RBFOX1: variants seen among roughly 807,000 people sequenced by gnomAD.
RBFOX1 encodes the protein RNA binding fox-1 homolog 1, also known as RNA binding protein fox-1 homolog 1.
A neutral mutation model predicts 57.7 loss-of-function variants in RBFOX1; 8 were observed. The observed-to-expected ratio is 0.14, with a 90% CI of 0.08 to 0.25. RBFOX1 has a LOEUF of 0.25. RBFOX1 is among the 10% of genes least tolerant of loss of function. The pLI, the probability that RBFOX1 is intolerant of heterozygous loss-of-function variation, is 1.00. For missense variants in RBFOX1, 611 were observed against 548.5 expected, an observed-to-expected ratio of 1.11 and a Z score of -1.14; for synonymous variants, 326 against 222.4, an observed-to-expected ratio of 1.47 and a Z score of -4.15.
At chr16:6,015,833 G>A (rs1293550285), upstream of RBFOX1, among the ~76,000 whole-genome samples, 6 of 152,190 alleles carry the variant, frequency 3.9e-5, no homozygotes, top group Admixed American at 3.3e-4. Context: ...AATGTTTCAA[G>A]ACAGTTGCAA....
intron 2 of RBFOX1, among the ~76,000 whole-genome samples, chr16:6,541,170 CTCTT>C (rs1398419620): frequency 1.3e-5 from 2 of 152,190 alleles, no homozygotes; most frequent in Admixed American, 1.3e-4. Context: ...CAGATGAGAA[CTCTT>C]TCATTCTATG....
At chr16:6,745,054 A>T (rs924391652) in intron 3 of RBFOX1, among the ~76,000 whole-genome samples, 1 of 152,090 alleles carries the variant, frequency 6.6e-6, no homozygotes. Flanking sequence ...ATTATGAACA[A>T]CCTTATTTTA....
intron 4 of RBFOX1, among the ~76,000 whole-genome samples, chr16:5,932,497 C>T (rs1350585951): frequency 6.6e-6 from 1 of 152,192 alleles, no homozygotes; most frequent in Non-Finnish European, 1.5e-5. Context: ...GAGACCCCAG[C>T]CATGCCATGC....
intron 10 of RBFOX1, among the ~76,000 whole-genome samples, chr16:7,627,187 C>CAA (rs139069709): frequency 0.032 from 2,662 of 82,632 alleles, 37 homozygotes; most frequent in South Asian, 0.12. Context: ...TTCTATTTGA[C>CAA]AAAAAAAAAA....
chr16:5,622,068 T>C (rs2048216141), intron 3 of RBFOX1, among the ~76,000 whole-genome samples: 1 of 152,160 alleles, frequency 6.6e-6, no homozygotes, highest in African/African-American at 2.4e-5. Context: ...AGAAGCATTG[T>C]TCTCTTATTC....
intron 3 of RBFOX1, among the ~76,000 whole-genome samples, chr16:6,898,298 C>G (rs759108149): frequency 2.6e-5 from 4 of 152,080 alleles, no homozygotes; most frequent in Non-Finnish European, 5.9e-5. Flanking sequence ...CCTGCCCCTC[C>G]ACGACCTCTC....
chr16:5,822,420 T>C (rs368509651), intron 3 of RBFOX1, among the ~76,000 whole-genome samples: 3 of 152,272 alleles, frequency 2.0e-5, no homozygotes, highest in South Asian at 2.1e-4. Flanking sequence ...TGTACCCCAA[T>C]AGCTTATGGA....
chr16:7,260,188 A>G (rs752096560), intron 4 of RBFOX1, among the ~76,000 whole-genome samples: 1 of 152,236 alleles, frequency 6.6e-6, no homozygotes, highest in Non-Finnish European at 1.5e-5. Flanking sequence ...TCATATCATT[A>G]TGGAATCACA....
chr16:5,632,477 G>C (rs1197129325), intron 3 of RBFOX1: 1 of 152,204 alleles, frequency 6.6e-6, no homozygotes, highest in Non-Finnish European at 1.5e-5. Flanking sequence ...CAGTACATGA[G>C]AGCCATCATT....
intron 2 of RBFOX1, among the ~76,000 whole-genome samples, chr16:6,646,643 T>C (rs1243161312): frequency 2.6e-5 from 4 of 152,092 alleles, no homozygotes; most frequent in African/African-American, 7.2e-5. Flanking sequence ...AAATGCTTAT[T>C]TCACCTGGTC....
At chr16:5,280,753 T>C (rs2063251393) in intron 1 of RBFOX1, among the ~76,000 whole-genome samples, 1 of 152,130 alleles carries the variant, frequency 6.6e-6, no homozygotes, top group African/African-American at 2.4e-5. Flanking sequence ...ATGATCCTTT[T>C]TATTTCTTTG....
intron 3 of RBFOX1, among the ~76,000 whole-genome samples, chr16:7,050,541 C>T (rs1352440842): frequency 1.3e-5 from 2 of 152,140 alleles, no homozygotes; most frequent in Non-Finnish European, 2.9e-5. Flanking sequence ...GCTGGGATTA[C>T]AGGCATGAGC....
chr16:5,696,510 A>G (rs1392428644), intron 3 of RBFOX1, among the ~76,000 whole-genome samples: 1 of 152,240 alleles, frequency 6.6e-6, no homozygotes, highest in Non-Finnish European at 1.5e-5. Flanking sequence ...ATATGTAGGA[A>G]TAAAATTATG....
At chr16:5,625,547 C>T (rs7194379) in intron 3 of RBFOX1, among the ~76,000 whole-genome samples, 119,784 of 140,058 alleles carry the variant, frequency 0.86, 49,936 homozygotes, top group South Asian at 0.95. Context: ...TATTTATTTA[C>T]TTATTTATTT....
At chr16:6,052,740 C>T (rs991401998) in intron 1 of RBFOX1, among the ~76,000 whole-genome samples, 3 of 151,150 alleles carry the variant, frequency 2.0e-5, no homozygotes, top group Non-Finnish European at 4.4e-5. Context: ...GCCGAGATCG[C>T]GCCACTGCAC....
chr16:7,383,148 GAATGGGAAA>G, intron 4 of RBFOX1, among the ~76,000 whole-genome samples: 1 of 151,916 alleles, frequency 6.6e-6, no homozygotes, highest in Non-Finnish European at 1.5e-5. Flanking sequence ...CTTCATTCAA[GAATGGGAAA>G]TTCTTGTTTA....
intron 4 of RBFOX1, among the ~76,000 whole-genome samples, chr16:7,398,948 C>G (rs1452952889): frequency 2.0e-5 from 3 of 152,306 alleles, no homozygotes; most frequent in African/African-American, 4.8e-5. Context: ...GAAATTTACT[C>G]TCTTCCAATT....
chr16:7,546,833 A>G (rs145933963), intron 5 of RBFOX1, among the ~76,000 whole-genome samples: 1 of 152,176 alleles, frequency 6.6e-6, no homozygotes, highest in African/African-American at 2.4e-5. Context: ...CACTGTGACA[A>G]ATATCACCTT....
chr16:5,951,507 CTATG>C (rs2059520041), intron 4 of RBFOX1, among the ~76,000 whole-genome samples: 1 of 151,696 alleles, frequency 6.6e-6, no homozygotes, highest in Non-Finnish European at 1.5e-5. Context: ...ATATATATAA[CTATG>C]TATTACATTA....
Sources: allele counts gnomAD v4.1 joint callset (sites outside exome capture counted in the v4.1 genomes callset), GRCh38; gene constraint gnomAD v4.1.1; transcripts MANE v1.5; gene names NCBI Gene and HGNC (gene_info 2026-07-23, HGNC 2026-07-21).